LPP: variants seen among roughly 807,000 people sequenced by gnomAD.
LPP encodes LIM domain containing preferred translocation partner in lipoma, also known as lipoma-preferred partner.
A neutral mutation model predicts 60.4 loss-of-function variants in LPP; 38 were observed. The ratio of observed to expected loss-of-function variants is 0.63; its 90% CI spans 0.49 to 0.83. The LOEUF is 0.83. Ranked by LOEUF, LPP falls within the 40% of genes least tolerant of loss-of-function variation. The pLI, the probability that LPP is intolerant of heterozygous loss-of-function variation, is 0.00. For missense variants in LPP, 902 were observed against 783.6 expected (o/e 1.15, Z -1.80); for synonymous variants, 328 against 290.8 (o/e 1.13, Z -1.30).
intron 2 of LPP, among the ~76,000 whole-genome samples, chr3:188,284,077 A>C (rs971605683): frequency 6.6e-6 from 1 of 152,040 alleles, no homozygotes; most frequent in East Asian, 2.0e-4. Flanking sequence ...TCTAGGCACA[A>C]TATGGTTTAT....
chr3:188,538,277 C>A (rs1007164258), intron 6 of LPP, among the ~76,000 whole-genome samples: 1 of 152,092 alleles, frequency 6.6e-6, no homozygotes, highest in African/African-American at 2.4e-5. Flanking sequence ...ACAAACAATC[C>A]GTGGAATTTG....
chr3:188,692,466 T>C (rs993132011), intron 7 of LPP, among the ~76,000 whole-genome samples: 7 of 152,242 alleles, frequency 4.6e-5, no homozygotes, highest in Non-Finnish European at 1.0e-4. Context: ...TTGTTCTTGC[T>C]AGATCTCTGG....
intron 7 of LPP, among the ~76,000 whole-genome samples, chr3:188,704,870 C>T (rs1255217330): frequency 2.6e-5 from 4 of 152,018 alleles, no homozygotes; most frequent in Non-Finnish European, 5.9e-5. Context: ...ACCGAGAAGC[C>T]CTAAACATCT....
At chr3:188,701,944 C>CTTTTTTTTTTTTTTTTTT (rs35803152) in intron 7 of LPP, among the ~76,000 whole-genome samples, 2 of 83,550 alleles carry the variant, frequency 2.4e-5, no homozygotes, top group African/African-American at 5.0e-5. Context: ...GTTTTTTTCC[C>CTTTTTTTTTTTTTTTTTT]TTTTTTTTTT....
chr3:188,637,535 G>C (rs1849075687), intron 7 of LPP, among the ~76,000 whole-genome samples: 1 of 149,962 alleles, frequency 6.7e-6, no homozygotes, highest in Non-Finnish European at 1.5e-5. Context: ...GAAGGAAATA[G>C]ATACATAAAA....
intron 8 of LPP, among the ~76,000 whole-genome samples, chr3:188,727,191 T>C (rs1249614050): frequency 6.6e-6 from 1 of 152,214 alleles, no homozygotes; most frequent in Non-Finnish European, 1.5e-5. Context: ...TGCAACAGTT[T>C]GCTCATTTGC....
At chr3:188,814,631 G>A (rs1350070481) in intron 9 of LPP, among the ~76,000 whole-genome samples, 1 of 152,156 alleles carries the variant, frequency 6.6e-6, no homozygotes, top group African/African-American at 2.4e-5. Flanking sequence ...CTGCTTTCTT[G>A]TAGTATCAGG....
rs892996255 is a variant in LPP, at chr3:188,889,361, G to A, written c.*14882G>A. 1.3e-5 allele frequency: 3 copies of A among 231,702 alleles called. No individual in the cohort carries two copies. The highest frequency in any genetic ancestry group is 6.6e-5 in the African/African-American group (3 of 45,242). 14.4% of individuals were successfully genotyped at this position (231,702 alleles called of 1,614,324 possible). On this transcript the variant is annotated 3_prime_UTR_variant, in exon 12 of 12. Coordinates refer to ENST00000617246, the MANE Select transcript of LPP (RefSeq NM_001375462.1). ...AGGACGAGGTAGACAGTGCATGATT[G>A]TAGGAGAAGGGTTGAAGGGAGGACA...
At chr3:188,479,311 C>T (rs1804096770) in intron 4 of LPP, among the ~76,000 whole-genome samples, 1 of 152,170 alleles carries the variant, frequency 6.6e-6, no homozygotes, top group Admixed American at 6.5e-5. Flanking sequence ...TGCCAGCTAG[C>T]AGAAGCTAGA....
chr3:188,583,499 G>C (rs1343880113), intron 6 of LPP, among the ~76,000 whole-genome samples: 2 of 152,128 alleles, frequency 1.3e-5, no homozygotes, highest in African/African-American at 2.4e-5. Flanking sequence ...TGTCCTTGCT[G>C]TGTTCTCCTG....
intron 2 of LPP, among the ~76,000 whole-genome samples, chr3:188,319,295 A>G (rs1328398882): frequency 6.6e-6 from 1 of 152,180 alleles, no homozygotes; most frequent in Non-Finnish European, 1.5e-5. Context: ...TTCTCTATAT[A>G]ATGCCTGTCC....
intron 7 of LPP, among the ~76,000 whole-genome samples, chr3:188,611,261 A>G (rs1278399412): frequency 6.6e-6 from 1 of 152,156 alleles, no homozygotes; most frequent in Admixed American, 6.5e-5. Flanking sequence ...CCAAATTAGA[A>G]TTTTAAATGA....
chr3:188,662,938 G>A (rs1854920399), intron 7 of LPP, among the ~76,000 whole-genome samples: 1 of 152,230 alleles, frequency 6.6e-6, no homozygotes, highest in African/African-American at 2.4e-5. Context: ...TACTACCTGT[G>A]TCACATGTTA....
chr3:188,442,072 T>C (rs991567282), intron 4 of LPP, among the ~76,000 whole-genome samples: 2 of 152,250 alleles, frequency 1.3e-5, no homozygotes, highest in Non-Finnish European at 2.9e-5. Context: ...GCAATAACTA[T>C]TGAATGAATG....
intron 9 of LPP, among the ~76,000 whole-genome samples, chr3:188,819,063 T>C (rs1033894101): frequency 3.3e-5 from 5 of 150,594 alleles, no homozygotes; most frequent in South Asian, 2.1e-4. Context: ...TGTGTGTGTG[T>C]GTGTGTGTTA....
intron 6 of LPP, among the ~76,000 whole-genome samples, chr3:188,592,557 G>GTTGTTGTTTGTTTTTTTTT (rs1553936334): frequency 3.5e-5 from 3 of 85,754 alleles, no homozygotes; most frequent in Non-Finnish European, 6.9e-5. Context: ...TTTTGTTTTT[G>GTTGTTGTTTGTTTTTTTTT]TTTTTTAAAT....
rs749390003 is a variant in LPP, at chr3:188,610,944, G to T, written c.1113+1100G>T. On this transcript the variant is annotated intron_variant, in intron 7 of 11. Transcript: ENST00000617246. This position sits in a 1 kb window ranked among gnomAD's most constrained non-coding sequence, Gnocchi z 4.4. Reference sequence around the variant, plus strand: ...AATGGTAGTTTTGGGGGATGGATTGGGTAGAAGTTTGGACTGTATTTTTAA... The same window carrying T: ...AATGGTAGTTTTGGGGGATGGATTGTGTAGAAGTTTGGACTGTATTTTTAA... Among the ~76,000 whole-genome samples the T allele has an allele frequency of 1.3e-5, 2 of 152,102 alleles. No homozygotes were observed. Among genetic ancestry groups the T allele is most frequent in the African/African-American group, 4.8e-5 (2 of 41,412 alleles).
chr3:188,545,807 T>A (rs1340061814), intron 6 of LPP, among the ~76,000 whole-genome samples: 1 of 152,046 alleles, frequency 6.6e-6, no homozygotes, highest in Non-Finnish European at 1.5e-5. Flanking sequence ...ACACAGAGTG[T>A]CCTTTCTACT....
chr3:188,231,375 A>G lies in LPP; in HGVS notation c.-67+5848A>G, dbSNP rs1301629130. On this transcript the variant is annotated intron_variant, in intron 2 of 11. Transcript: ENST00000617246. Reference sequence around the variant, plus strand: ...CAGCACACCTCTGTGGATCAATTTTACTTGAAGACATTTTTGGGGGAAAAC... The same window carrying G: ...CAGCACACCTCTGTGGATCAATTTTGCTTGAAGACATTTTTGGGGGAAAAC... Among the ~76,000 whole-genome samples, 3 of 152,190 alleles carry G rather than the reference A, an allele frequency of 2.0e-5. No homozygotes were observed. The East Asian group carries it at 5.8e-4, about 29-fold the overall frequency.
Sources: gnomAD v4.1 joint callset for allele counts (sites outside exome capture counted in the v4.1 genomes callset) on GRCh38, gnomAD v4.1.1 for gene constraint, Gnocchi (gnomAD v3.1) non-coding constraint, MANE v1.5 for transcripts, NCBI Gene and HGNC (gene_info 2026-07-23, HGNC 2026-07-21) for gene names.